Variants in DOCK3 observed in about 807,000 individuals in gnomAD.
The protein encoded by DOCK3 is dedicator of cytokinesis 3, also known as dedicator of cytokinesis protein 3.
A neutral mutation model predicts 265.6 loss-of-function variants in DOCK3; 60 were observed. That is an observed-to-expected ratio of 0.23 (90% CI 0.18 to 0.28). The LOEUF (loss-of-function observed/expected upper bound fraction) is 0.28, where lower values mean the gene tolerates loss of function less well. DOCK3 is among the 10% of genes least tolerant of loss of function. The pLI is 1.00. For missense variants in DOCK3, 1,981 were observed against 2,594.3 expected, an observed-to-expected ratio of 0.76 and a Z score of 5.14; for synonymous variants, 881 against 938.0, an observed-to-expected ratio of 0.94 and a Z score of 1.11.
Position 51,380,110 on chromosome 3 carries a change from C to T in DOCK3, c.5501-15C>T, listed in dbSNP as rs2088500917. 1.2e-6 allele frequency: 2 copies of T among 1,611,282 alleles called. No individual in the cohort carries two copies. Among genetic ancestry groups the T allele is most frequent in the African/African-American group, 1.3e-5 (1 of 74,872 alleles). On this transcript the variant is annotated splice_polypyrimidine_tract_variant and intron_variant, in intron 51 of 52. Transcript: ENST00000266037. ...AGGGCCCCCAGCTGAGGCTCTGGTT[C>T]TGTTCCCTTTGCAGGTCATTACTCC...
rs535078926 is a variant in DOCK3 at position 50,805,094 on chromosome 3, A to G, written c.121+26336A>G. 4.6e-5 allele frequency among the ~76,000 whole-genome samples: 7 copies of G among 152,182 alleles called. No homozygotes were observed. In the East Asian group the frequency reaches 1.4e-3, roughly 29 times the overall value. On this transcript the variant is annotated intron_variant, in intron 2 of 52. Coordinates refer to ENST00000266037, the MANE Select transcript of DOCK3 (RefSeq NM_004947.5). ...GTTTTCTTGCTTTTTCTTGGTTGAT[A>G]TGTCCCTATATTGATTTGTATCCAT...
At position 51,225,645 on chromosome 3, in the gene DOCK3, G is replaced by A. The variant is rs766316665; in HGVS notation, c.1253-4G>A. 4.4e-6 allele frequency: 7 copies of A among 1,608,316 alleles called. No homozygotes were observed. Among genetic ancestry groups the A allele is most frequent in the Non-Finnish European group, 5.1e-6 (6 of 1,177,498 alleles). On this transcript the variant is annotated splice_region_variant and splice_polypyrimidine_tract_variant and intron_variant, in intron 14 of 52. Transcript: ENST00000266037. ...ATAAGGATGTGGCATTTCTTTCCCC[G>A]CAGGTGATATCCGCAATGACCTGTA...
At chr3:51,313,676 A>G (rs1174885456) in intron 31 of DOCK3, among the ~76,000 whole-genome samples, 1 of 152,204 alleles carries the variant, frequency 6.6e-6, no homozygotes, top group Non-Finnish European at 1.5e-5. Context: ...AATGATGGTC[A>G]TAAAATCTCC....
At chr3:51,251,878 G>A (rs190122156) in intron 22 of DOCK3, among the ~76,000 whole-genome samples, 17 of 152,066 alleles carry the variant, frequency 1.1e-4, no homozygotes, top group African/African-American at 1.7e-4. Context: ...AGATCCCATT[G>A]GTCAATTTTG....
chr3:50,710,672 A>G (rs961942839), intron 1 of DOCK3, among the ~76,000 whole-genome samples: 1 of 152,222 alleles, frequency 6.6e-6, no homozygotes, highest in African/African-American at 2.4e-5. Flanking sequence ...GAAGTAAGTC[A>G]TTATATGAAA....
At chr3:51,230,673 C>T (rs1447495115) in intron 19 of DOCK3, among the ~76,000 whole-genome samples, 12 of 152,190 alleles carry the variant, frequency 7.9e-5, no homozygotes, top group Middle Eastern at 3.4e-3. Context: ...CGTGCCACCA[C>T]GCCCAGCAAA....
At chr3:50,714,419 A>G (rs17051404) in intron 1 of DOCK3, among the ~76,000 whole-genome samples, 1 of 152,170 alleles carries the variant, frequency 6.6e-6, no homozygotes, top group Non-Finnish European at 1.5e-5. Flanking sequence ...AATGTGGCAT[A>G]TTCTCTGTAA....
intron 7 of DOCK3, among the ~76,000 whole-genome samples, chr3:51,079,133 G>A (rs2082143623): frequency 6.6e-6 from 1 of 152,044 alleles, no homozygotes. Context: ...GACTTTATAT[G>A]AAACTTTCTG....
intron 5 of DOCK3, among the ~76,000 whole-genome samples, chr3:50,995,589 A>G (rs919597173): frequency 1.3e-5 from 2 of 152,138 alleles, no homozygotes; most frequent in Non-Finnish European, 2.9e-5. Context: ...CACACATGAG[A>G]GGTGATATAG....
intron 41 of DOCK3, among the ~76,000 whole-genome samples, chr3:51,355,358 T>G (rs1323250943): frequency 6.6e-6 from 1 of 152,138 alleles, no homozygotes; most frequent in Non-Finnish European, 1.5e-5. Context: ...CTGTACAGGG[T>G]GACTTGGGGT....
intron 5 of DOCK3, among the ~76,000 whole-genome samples, chr3:51,037,993 G>A (rs1374771254): frequency 6.6e-6 from 1 of 152,150 alleles, no homozygotes; most frequent in Non-Finnish European, 1.5e-5. Flanking sequence ...ATATTACTGG[G>A]AGTGGAACTG....
At chr3:51,291,327 T>TA (rs543301983) in intron 27 of DOCK3, among the ~76,000 whole-genome samples, 2 of 151,190 alleles carry the variant, frequency 1.3e-5, no homozygotes, top group East Asian at 3.9e-4. Context: ...AAATGGACAC[T>TA]AAAAAAAGAA....
chr3:51,322,494 C>T (rs531746694), intron 32 of DOCK3, among the ~76,000 whole-genome samples: 5 of 152,248 alleles, frequency 3.3e-5, no homozygotes, highest in African/African-American at 4.8e-5. Flanking sequence ...TGAGCCACCA[C>T]GACCAGCCAA....
Position 50,889,992 on chromosome 3 carries a change from T to A in DOCK3, c.163-34T>A, listed in dbSNP as rs59769351. On this transcript the variant is annotated intron_variant, in intron 3 of 52. Coordinates refer to ENST00000266037, the MANE Select transcript of DOCK3 (RefSeq NM_004947.5). ...ATATGAAATGTTAATCACAATTTTA[T>A]TTTTTCTAACAGGAAATATTTTCTC... 1,923 of 1,382,342 alleles carry A rather than the reference T, an allele frequency of 1.4e-3. 23 individuals carry two copies. In the African/African-American group the frequency reaches 0.026, roughly 19 times the overall value. 85.6% of individuals were successfully genotyped at this position (1,382,342 alleles called of 1,614,324 possible). A position where few individuals can be genotyped will look rare whatever the true frequency, so the allele number is the denominator to read the frequency against.
intron 32 of DOCK3, among the ~76,000 whole-genome samples, chr3:51,321,125 G>T (rs2083697458): frequency 6.6e-6 from 1 of 152,188 alleles, no homozygotes; most frequent in Admixed American, 6.5e-5. Flanking sequence ...GCTTCCAGAG[G>T]AATGAACAGA....
intron 3 of DOCK3, among the ~76,000 whole-genome samples, chr3:50,888,270 AG>A (rs2048446413): frequency 6.6e-6 from 1 of 152,174 alleles, no homozygotes; most frequent in Non-Finnish European, 1.5e-5. Context: ...ATTGCGTCAA[AG>A]AGAATAAAAT....
chr3:50,932,140 G>A (rs1200691168), intron 4 of DOCK3, among the ~76,000 whole-genome samples: 2 of 152,052 alleles, frequency 1.3e-5, no homozygotes, highest in African/African-American at 4.8e-5. Flanking sequence ...ATATTAATGA[G>A]CTTGTAAATT....
chr3:51,133,950 G>T (rs1353452576), intron 9 of DOCK3, among the ~76,000 whole-genome samples: 1 of 151,988 alleles, frequency 6.6e-6, no homozygotes, highest in African/African-American at 2.4e-5. Context: ...CCCTCAGTGG[G>T]CCCCAGTGTC....
At position 51,357,846 on chromosome 3, in the gene DOCK3, G is replaced by A. The variant is rs767049522; in HGVS notation, c.4767+5G>A. ...AAGGAGCTTATGCAGGAGCAGGTAT[G>A]TCTTGGAGGGCTTGGGAACCAGCAG... is the stretch of plus-strand genomic sequence containing the variant. On this transcript the variant is annotated splice_donor_5th_base_variant and intron_variant, in intron 45 of 52. Transcript: ENST00000266037. The A allele has an allele frequency of 3.1e-6, 5 of 1,613,916 alleles. No individual in the cohort carries two copies. The highest frequency in any genetic ancestry group is 4.2e-6 in the Non-Finnish European group (5 of 1,179,900).
Sources: allele counts gnomAD v4.1 joint callset (sites outside exome capture counted in the v4.1 genomes callset), GRCh38; gene constraint gnomAD v4.1.1; transcripts MANE v1.5; gene names NCBI Gene and HGNC (gene_info 2026-07-23, HGNC 2026-07-21).